The following PCBP3 variants were observed in gnomAD, a reference collection of about 807,000 sequenced individuals.
The protein encoded by PCBP3 is poly(rC)-binding protein 3.
PCBP3 carries 25 observed loss-of-function variants against 52.7 expected under a neutral mutation model. The observed-to-expected ratio is 0.47, with a 90% confidence interval of 0.35 to 0.66. The LOEUF is 0.66. PCBP3 is among the 30% of genes least tolerant of loss of function. PCBP3 has a pLI of 0.01. For synonymous variants in PCBP3, 162 were observed against 183.0 expected, an observed-to-expected ratio of 0.89 and a Z score of 0.93; for missense variants, 391 against 490.3, an observed-to-expected ratio of 0.80 and a Z score of 1.91.
At chr21:45,665,073 T>C (rs1259499621) in intron 1 of PCBP3, among the ~76,000 whole-genome samples, 3 of 151,956 alleles carry the variant, frequency 2.0e-5, no homozygotes, top group African/African-American at 4.8e-5. Flanking sequence ...ATTGAGTTCT[T>C]TATTTGGTTT....
At chr21:45,875,851 G>A (rs763774684) in intron 5 of PCBP3, among the ~76,000 whole-genome samples, 2 of 152,188 alleles carry the variant, frequency 1.3e-5, no homozygotes, top group Non-Finnish European at 2.9e-5. Context: ...ATTTGAGGGC[G>A]AGGTGGGATC....
Position 45,937,228 on chromosome 21 carries a change from G to A in PCBP3, c.909+1923G>A, listed in dbSNP as rs187004643. 1.0e-3 allele frequency among the ~76,000 whole-genome samples: 157 copies of A among 152,342 alleles called. 1 individual carries two copies. The highest frequency in any genetic ancestry group is 1.7e-3 in the Non-Finnish European group (118 of 68,028). On this transcript the variant is annotated intron_variant, in intron 16 of 17. Transcript: ENST00000681687. The stretch of plus-strand genomic sequence containing the variant: ...CAGAAAGACACTGCTTGGAGGCAGG[G>A]ACTCCTGAGACTCACAGGCTCCCCA...
chr21:45,670,429 C>T (rs2081098798), intron 2 of PCBP3, among the ~76,000 whole-genome samples: 1 of 152,100 alleles, frequency 6.6e-6, no homozygotes, highest in Admixed American at 6.6e-5. Context: ...CTCAATGGGT[C>T]ACTAATTTCT....
At chr21:45,856,640 C>T (rs1177225989) in intron 5 of PCBP3, among the ~76,000 whole-genome samples, 2 of 152,102 alleles carry the variant, frequency 1.3e-5, no homozygotes, top group African/African-American at 2.4e-5. Context: ...CTCTGCCTCC[C>T]GCCATGATCG....
At chr21:45,849,674 CGTAA>C (rs2093917927) in intron 4 of PCBP3, among the ~76,000 whole-genome samples, 1 of 152,064 alleles carries the variant, frequency 6.6e-6, no homozygotes, top group Non-Finnish European at 1.5e-5. Context: ...TAAGGAAATA[CGTAA>C]GTAAGTGCAA....
intron 1 of PCBP3, among the ~76,000 whole-genome samples, chr21:45,666,620 A>G (rs751409997): frequency 1.3e-4 from 20 of 152,068 alleles, no homozygotes; most frequent in Admixed American, 4.6e-4. Flanking sequence ...TTTTCTGGAT[A>G]TAGAATTCTT....
At chr21:45,911,141 C>T (rs1342163571) in intron 11 of PCBP3, 111 bp downstream of exon 11, 2 of 1,256,880 alleles carry the variant, frequency 1.6e-6, no homozygotes, top group East Asian at 2.3e-5. Context: ...ACAGTTGGGG[C>T]TGTGGGGGGC....
intron 1 of PCBP3, among the ~76,000 whole-genome samples, chr21:45,661,244 A>G (rs748151655): frequency 6.6e-6 from 1 of 152,148 alleles, no homozygotes; most frequent in Non-Finnish European, 1.5e-5. Flanking sequence ...CTTTTAGTAT[A>G]AGCATCACCT....
intron 17 of PCBP3, among the ~76,000 whole-genome samples, chr21:45,941,080 C>T (rs570431500): frequency 4.9e-4 from 74 of 152,306 alleles, no homozygotes; most frequent in African/African-American, 1.7e-3. Context: ...GGACACCCCC[C>T]GACTTTACCC....
intron 1 of PCBP3, among the ~76,000 whole-genome samples, chr21:45,654,630 C>T (rs765763435): frequency 6.6e-6 from 1 of 152,102 alleles, no homozygotes; most frequent in Non-Finnish European, 1.5e-5. Context: ...TGAGCCACCG[C>T]GCCTGGCCAA....
At chr21:45,801,506 C>T (rs1239585009) in intron 4 of PCBP3, among the ~76,000 whole-genome samples, 1 of 152,242 alleles carries the variant, frequency 6.6e-6, no homozygotes, top group Non-Finnish European at 1.5e-5. Flanking sequence ...CTCTTCTTGA[C>T]ATGGGTTTCA....
chr21:45,806,709 G>C (rs1317987055), intron 4 of PCBP3, among the ~76,000 whole-genome samples: 1 of 151,940 alleles, frequency 6.6e-6, no homozygotes, highest in Non-Finnish European at 1.5e-5. Context: ...ACCCCAAAGG[G>C]CCAGGGACCC....
intron 4 of PCBP3, among the ~76,000 whole-genome samples, chr21:45,848,568 C>T (rs2093872652): frequency 6.6e-6 from 1 of 152,190 alleles, no homozygotes; most frequent in Non-Finnish European, 1.5e-5. Flanking sequence ...AGCTGAATCT[C>T]TCTCTTTTGG....
At chr21:45,753,880 C>T (rs1037171743) in intron 3 of PCBP3, among the ~76,000 whole-genome samples, 2 of 152,098 alleles carry the variant, frequency 1.3e-5, no homozygotes, top group Admixed American at 6.6e-5. Context: ...GTGCAGCTTT[C>T]TCCATCATTT....
intron 5 of PCBP3, among the ~76,000 whole-genome samples, chr21:45,888,549 G>A (rs1375269507): frequency 1.3e-5 from 2 of 152,148 alleles, no homozygotes; most frequent in African/African-American, 4.8e-5. Flanking sequence ...CCTTCCCCAC[G>A]GCAGATGCCT....
intron 5 of PCBP3, among the ~76,000 whole-genome samples, chr21:45,868,427 TTTTTTA>T (rs1188004915): frequency 4.1e-5 from 5 of 120,748 alleles, no homozygotes; most frequent in East Asian, 3.0e-4. Context: ...TTTTTTTTTT[TTTTTTA>T]AATAAAGGAT....
chr21:45,887,578 C>T (rs1323792671), intron 5 of PCBP3, among the ~76,000 whole-genome samples: 1 of 152,238 alleles, frequency 6.6e-6, no homozygotes, highest in Non-Finnish European at 1.5e-5. Context: ...GCATGGGGGA[C>T]ACTGTCACCA....
intron 1 of PCBP3, among the ~76,000 whole-genome samples, chr21:45,665,003 C>A (rs1048668868): frequency 6.6e-6 from 1 of 151,776 alleles, no homozygotes; most frequent in Non-Finnish European, 1.5e-5. Context: ...AATCTTTCAC[C>A]TTCATGGTTA....
At chr21:45,932,302 A>G (rs562851499) in intron 15 of PCBP3, among the ~76,000 whole-genome samples, 1 of 139,754 alleles carries the variant, frequency 7.2e-6, no homozygotes, top group Non-Finnish European at 1.5e-5. Context: ...TAAACACATC[A>G]GCCAAGCTAT....
Sources: gnomAD v4.1 joint callset for allele counts (sites outside exome capture counted in the v4.1 genomes callset) on GRCh38, gnomAD v4.1.1 for gene constraint, MANE v1.5 for transcripts, NCBI Gene and HGNC (gene_info 2026-07-23, HGNC 2026-07-21) for gene names.